CXorf66: variants seen among roughly 807,000 people sequenced by gnomAD.
The protein encoded by CXorf66 is uncharacterized protein CXorf66.
Under a neutral mutation model 5.0 loss-of-function variants are expected in CXorf66, and 6 were observed. That is an observed-to-expected ratio of 1.20 (90% confidence interval 0.65 to 2.36). The LOEUF is 2.36. CXorf66 is among the 30% of genes most tolerant of loss of function. The probability of loss-of-function intolerance (pLI) is 0.00; values close to 1 mark genes in which losing one functional copy is unlikely to be tolerated. For synonymous variants in CXorf66, 98 were observed against 102.8 expected, an observed-to-expected ratio of 0.95 and a Z score of 0.28; for missense variants, 270 against 254.9, an observed-to-expected ratio of 1.06 and a Z score of -0.40.
chrX:139,956,737 A>T lies in CXorf66; in HGVS notation c.245T>A (p.Val82Asp), dbSNP rs2085575384. The T allele has an allele frequency of 1.7e-6, 2 of 1,196,348 alleles. No homozygotes were observed. The highest frequency in any genetic ancestry group is 1.8e-5 in the African/African-American group (1 of 56,480). Residue 82 changes from valine to aspartate, a missense_variant and splice_region_variant, in exon 3 of 3, where the codon GTC (valine) becomes GAC (aspartate). Coordinates refer to ENST00000370540, the MANE Select transcript of CXorf66 (RefSeq NM_001013403.3). ...CTTGGCTGCTATGCCTTTTTTCTTGACCCTGAAAGTATAGAAAATTTGGAG... is the reference window on the plus strand; with the variant it reads ...CTTGGCTGCTATGCCTTTTTTCTTGTCCCTGAAAGTATAGAAAATTTGGAG... ...LSDDASKAGM[V>D]KKKGIAAKSS...
Position 139,956,328 on chromosome X carries a change from T to C in CXorf66, c.654A>G (p.Ser218=), listed in dbSNP as rs1237962883. The C allele has an allele frequency of 3.3e-6, 4 of 1,209,953 alleles. No individual in the cohort carries two copies. The highest frequency in any genetic ancestry group is 3.0e-5 in the East Asian group (1 of 33,768). Residue 218 remains serine, a synonymous_variant, in exon 3 of 3, where the codon TCA becomes TCG. Transcript: ENST00000370540. The stretch of plus-strand genomic sequence containing the variant: ...GTGAGATTTCATTTTGTGGATGAGA[T>C]GAATAAAGTGGCTTGAATAGCTGAG... The part of the protein sequence containing the change: ...RPPQLFKPLY[S]SHPQNEISPS...
intron 1 of CXorf66, 50 bp downstream of exon 1, chrX:139,965,359 T>C (rs1603422998): frequency 1.1e-6 from 1 of 874,256 alleles, no homozygotes; most frequent in Non-Finnish European, 1.7e-6. Context: ...AATACTTTAA[T>C]GTATACTGTA....
rs749201381 is a variant in CXorf66 at position 139,962,356 on chromosome X, T to G, written c.88+3053A>C. On this transcript the variant is annotated intron_variant, in intron 1 of 2. Coordinates refer to ENST00000370540, the MANE Select transcript of CXorf66 (RefSeq NM_001013403.3). ...GATAAATTCCTGGACACACACATTC[T>G]CCCAAGACTAAACTAGGAAGAAGTC... is the stretch of plus-strand genomic sequence containing the variant. Among the ~76,000 whole-genome samples the G allele has an allele frequency of 4.5e-5, 5 of 111,227 alleles. No homozygotes were observed. In the South Asian group the frequency reaches 1.9e-3, roughly 42 times the overall value.
intron 2 of CXorf66, among the ~76,000 whole-genome samples, chrX:139,957,306 C>T (rs180780983): frequency 0.012 from 1,346 of 111,534 alleles, 12 homozygotes; most frequent in Middle Eastern, 0.028. Flanking sequence ...ATATAATCCA[C>T]ATATAGAATT....
chrX:139,956,866 G>A, intron 2 of CXorf66, 127 bp from the exon 3 acceptor site: 2 of 657,803 alleles, frequency 3.0e-6, no homozygotes, highest in Non-Finnish European at 4.6e-6. Flanking sequence ...ACTGAACACA[G>A]TAAGAATCGG....
chrX:139,958,241 A>G, intron 1 of CXorf66, 24 bp from the exon 2 acceptor site: 1 of 1,126,357 alleles, frequency 8.9e-7, no homozygotes, highest in African/African-American at 1.8e-5. Flanking sequence ...GTATAATCAG[A>G]GAAGGTGTTA....
intron 1 of CXorf66, among the ~76,000 whole-genome samples, chrX:139,959,324 CA>C (rs1367651462): frequency 9.0e-6 from 1 of 111,718 alleles, no homozygotes; most frequent in Non-Finnish European, 1.9e-5. Context: ...TGGAACTCAC[CA>C]CAGCGCTGCA....
intron 1 of CXorf66, among the ~76,000 whole-genome samples, chrX:139,961,708 C>G (rs772462173): frequency 8.9e-6 from 1 of 111,958 alleles, no homozygotes; most frequent in Non-Finnish European, 1.9e-5. Context: ...GAACGGAAAT[C>G]ATAACGAATG....
At chrX:139,963,905 A>T (rs1170599721) in intron 1 of CXorf66, among the ~76,000 whole-genome samples, 1 of 112,120 alleles carries the variant, frequency 8.9e-6, no homozygotes, top group Non-Finnish European at 1.9e-5. Flanking sequence ...CTTATTCAAA[A>T]ATTAACTCAA....
At chrX:139,956,878 G>A in intron 2 of CXorf66, 139 bp from the exon 3 acceptor site, 1 of 611,100 alleles carries the variant, frequency 1.6e-6, no homozygotes, top group Non-Finnish European at 2.5e-6. Context: ...AAGAATCGGA[G>A]TGTGACGGCT....
rs370247349 is a variant in CXorf66, at chrX:139,956,391, C to T, written c.591G>A (p.Ala197=). Residue 197 remains alanine, a synonymous_variant, in exon 3 of 3, where the codon GCG becomes GCA. Coordinates refer to ENST00000370540, the MANE Select transcript of CXorf66 (RefSeq NM_001013403.3). ...SLEKLCKLDY[A]CKLASSDKPV... is the part of the protein sequence containing the mutation. Reference sequence around the variant, plus strand: ...GCTTATCTGAACTGGCTAGCTTACACGCATAGTCTAGCTTACATAATTTTT... The same window carrying T: ...GCTTATCTGAACTGGCTAGCTTACATGCATAGTCTAGCTTACATAATTTTT... 1.0e-4 allele frequency: 127 copies of T among 1,210,307 alleles called. No individual in the cohort carries two copies. The highest frequency in any genetic ancestry group is 2.5e-4 in the South Asian group (14 of 56,873).
chrX:139,959,673 C>T (rs1421243994), intron 1 of CXorf66, among the ~76,000 whole-genome samples: 2 of 111,765 alleles, frequency 1.8e-5, no homozygotes, highest in African/African-American at 6.5e-5. Flanking sequence ...TACAGGAGAG[C>T]TCTGGCTGGC....
Position 139,956,393 on chromosome X carries a change from C to T in CXorf66, c.589G>A (p.Ala197Thr). The change falls in exon 3 of 3, where the codon GCG becomes ACG. Residue 197 changes from alanine (A) to threonine (T), a missense_variant. Coordinates refer to ENST00000370540, the MANE Select transcript of CXorf66 (RefSeq NM_001013403.3). Reference protein sequence around the residue: ...SLEKLCKLDYACKLASSDKPV... With the variant: ...SLEKLCKLDYTCKLASSDKPV... Reference sequence around the variant, plus strand: ...TTATCTGAACTGGCTAGCTTACACGCATAGTCTAGCTTACATAATTTTTCT... The same window carrying T: ...TTATCTGAACTGGCTAGCTTACACGTATAGTCTAGCTTACATAATTTTTCT... 2 of 1,211,703 alleles carry T rather than the reference C, an allele frequency of 1.7e-6. No individual in the cohort carries two copies. The highest frequency in any genetic ancestry group is 3.0e-5 in the East Asian group (1 of 33,844).
intron 2 of CXorf66, 132 bp downstream of exon 2, chrX:139,957,932 T>C: frequency 1.8e-6 from 1 of 556,894 alleles, no homozygotes; most frequent in South Asian, 5.8e-5. Flanking sequence ...AGGGAAAATA[T>C]TCACCTACAA....
In CXorf66 at chrX:139,956,587, G is replaced by C. The variant is rs1331599743; in HGVS notation, c.395C>G (p.Ser132Cys). Residue 132 changes from serine (S) to cysteine (C), a missense_variant, in exon 3 of 3, where the codon TCC becomes TGC. Coordinates refer to ENST00000370540, the MANE Select transcript of CXorf66 (RefSeq NM_001013403.3). Reference protein sequence around the residue: ...SSSPERASAQSSTEKLIRPSS... With the variant: ...SSSPERASAQCSTEKLIRPSS... ...GGGTCTGATTAATTTTTCTGTGCTG[G>C]ATTGTGCGGATGCCCTTTCTGGACT... is the stretch of plus-strand genomic sequence containing the variant. 8.3e-7 allele frequency: 1 copy of C among 1,209,029 alleles called. No individual in the cohort carries two copies. The highest frequency in any genetic ancestry group is 1.1e-6 in the Non-Finnish European group (1 of 894,980).
At chrX:139,965,083 A>C (rs1040421486) in intron 1 of CXorf66, among the ~76,000 whole-genome samples, 15 of 111,557 alleles carry the variant, frequency 1.3e-4, no homozygotes, top group Non-Finnish European at 3.8e-5. Context: ...AGTAAAAAAA[A>C]CAAAAAACAA....
chrX:139,956,432 T>C lies in CXorf66; in HGVS notation c.550A>G (p.Lys184Glu). The part of the protein sequence containing the change: ...SKSSHLEKAH[K>E]KGSLEKLCKL... The stretch of plus-strand genomic sequence containing the variant: ...CATAATTTTTCTAGGCTGCCTTTCT[T>C]ATGTGCCTTTTCCAGGTGAGATGAC... The change falls in exon 3 of 3, where the codon AAG (lysine) becomes GAG (glutamate). Residue 184 changes from lysine (K) to glutamate (E), a missense_variant. By Grantham distance (56) the Lys-to-Glu change is moderately conservative (BLOSUM62 1). Coordinates refer to ENST00000370540, the MANE Select transcript of CXorf66 (RefSeq NM_001013403.3). 2 of 1,211,820 alleles carry C rather than the reference T, an allele frequency of 1.7e-6. No individual in the cohort carries two copies. Among genetic ancestry groups the C allele is most frequent in the Non-Finnish European group, 1.1e-6 (1 of 895,382 alleles).
intron 2 of CXorf66, 119 bp downstream of exon 2, chrX:139,957,945 G>T: frequency 1.6e-6 from 1 of 636,393 alleles, no homozygotes; most frequent in African/African-American, 2.3e-5. Flanking sequence ...ACCTACAAAA[G>T]GTTGGTAGCT....
intron 1 of CXorf66, among the ~76,000 whole-genome samples, chrX:139,964,258 G>A (rs1926639584): frequency 9.0e-6 from 1 of 111,699 alleles, no homozygotes; most frequent in Non-Finnish European, 1.9e-5. Context: ...CGAAGGATAC[G>A]AACAGACACT....
Sources: gnomAD v4.1 joint callset for allele counts (sites outside exome capture counted in the v4.1 genomes callset) on GRCh38, gnomAD v4.1.1 for gene constraint, MANE v1.5 for transcripts, NCBI Gene and HGNC (gene_info 2026-07-23, HGNC 2026-07-21) for gene names.